DNAH14: variants seen among roughly 807,000 people sequenced by gnomAD.
DNAH14 encodes the protein dynein axonemal heavy chain 14.
Under a neutral mutation model 520.9 loss-of-function variants are expected in DNAH14, and 478 were observed. The observed-to-expected ratio is 0.92, with a 90% CI of 0.85 to 0.99. DNAH14 has a LOEUF of 0.99. Among genes scored for constraint, DNAH14 ranks in the 50% least tolerant of loss-of-function variants. The pLI is 0.00. For missense variants in DNAH14, 4,831 were observed against 5,234.5 expected (o/e 0.92, Z 2.38); for synonymous variants, 1,581 against 1,757.2 (o/e 0.90, Z 2.51).
intron 73 of DNAH14, among the ~76,000 whole-genome samples, chr1:225,358,249 C>T (rs1253693967): frequency 6.6e-6 from 1 of 152,132 alleles, no homozygotes; most frequent in African/African-American, 2.4e-5. Context: ...CAAGAGCTCA[C>T]TCAGAGTGTG....
chr1:225,335,863 GTACATACACATATACATATATGTACATA>G (rs1558437895), intron 66 of DNAH14, among the ~76,000 whole-genome samples: 2 of 65,064 alleles, frequency 3.1e-5, no homozygotes, highest in African/African-American at 1.5e-4. Flanking sequence ...GTACATATAT[GTACATACACATATACATATATGTACATA>G]TACATACATA....
At position 225,159,355 on chromosome 1, in the gene DNAH14, T is replaced by C; in HGVS notation, c.5315T>C (p.Ile1772Thr). Residue 1772 changes from isoleucine to threonine, a missense_variant, in exon 35 of 86, where the codon ATT (isoleucine) becomes ACT (threonine). Physicochemically the swap from Ile to Thr is moderately conservative, Grantham distance 89. Transcript: ENST00000682510. ...CTTTCTGAAGCAGATGAAACCTTGA[T>C]TGTTATCGAGGCTATAAGAGAAGCT... ...DSLSEADETL[I>T]VIEAIREASL... 1.3e-6 allele frequency: 2 copies of C among 1,551,538 alleles called. No homozygotes were observed. Among genetic ancestry groups the C allele is most frequent in the Non-Finnish European group, 1.7e-6 (2 of 1,146,870 alleles).
intron 37 of DNAH14, among the ~76,000 whole-genome samples, chr1:225,192,005 G>A (rs1037202298): frequency 1.1e-4 from 16 of 151,816 alleles, no homozygotes. Context: ...TGATTAGCTG[G>A]GCCTGCTCTG....
chr1:225,115,531 A>T (rs963524083), intron 23 of DNAH14, among the ~76,000 whole-genome samples: 2 of 152,170 alleles, frequency 1.3e-5, no homozygotes, highest in South Asian at 2.1e-4. Flanking sequence ...TACTGAACAC[A>T]AGTAACAGTG....
chr1:225,245,453 T>G (rs945297620), intron 43 of DNAH14, among the ~76,000 whole-genome samples: 2 of 152,066 alleles, frequency 1.3e-5, no homozygotes, highest in African/African-American at 4.8e-5. Context: ...GTGTTACAGT[T>G]TCCCACCATT....
Position 225,374,814 on chromosome 1 carries a change from T to C in DNAH14, c.12445T>C (p.Leu4149=). The change falls in exon 78 of 86, where the codon TTG becomes CTG. Residue 4149 remains leucine (L), a synonymous_variant. Coordinates refer to ENST00000682510, the MANE Select transcript of DNAH14 (RefSeq NM_001367479.1). ...GATTGATAATTGGGACAAGCGATGCTTGAAGACCCTACTCTACAAATTTTG... is the reference window on the plus strand; with the variant it reads ...GATTGATAATTGGGACAAGCGATGCCTGAAGACCCTACTCTACAAATTTTG... ...RVIDNWDKRC[L]KTLLYKFCNP... is the part of the protein sequence containing the mutation. The C allele has an allele frequency of 6.4e-7, 1 of 1,551,616 alleles. No individual in the cohort carries two copies. Among genetic ancestry groups the C allele is most frequent in the Non-Finnish European group, 8.7e-7 (1 of 1,146,952 alleles).
At chr1:225,284,964 A>G (rs766930712) in intron 54 of DNAH14, among the ~76,000 whole-genome samples, 1 of 152,228 alleles carries the variant, frequency 6.6e-6, no homozygotes, top group African/African-American at 2.4e-5. Flanking sequence ...AAAAAGGAAA[A>G]GAAGGAAGCT....
chr1:225,295,909 A>G (rs764056371), intron 55 of DNAH14, among the ~76,000 whole-genome samples: 7 of 152,180 alleles, frequency 4.6e-5, no homozygotes, highest in Non-Finnish European at 7.3e-5. Flanking sequence ...TTTGATTTAT[A>G]TATCTGGGTG....
chr1:225,255,599 G>A (rs1238863290), intron 44 of DNAH14, among the ~76,000 whole-genome samples: 3 of 152,138 alleles, frequency 2.0e-5, no homozygotes, highest in African/African-American at 4.8e-5. Flanking sequence ...GAATCCCTGA[G>A]TAGTCTCCCA....
In DNAH14 at chr1:225,041,111, C is replaced by G. The variant is rs189468749; in HGVS notation, c.1489-1724C>G. On this transcript the variant is annotated intron_variant, in intron 12 of 85. Coordinates refer to ENST00000682510, the MANE Select transcript of DNAH14 (RefSeq NM_001367479.1). The stretch of plus-strand genomic sequence containing the variant: ...GACACAGGCTGCATGAACGAGCAGA[C>G]TGCCACTAAGGTGGCCTAAATTTAT... 2.6e-5 allele frequency among the ~76,000 whole-genome samples: 4 copies of G among 152,346 alleles called. No homozygotes were observed. The East Asian group carries it at 5.8e-4, about 22-fold the overall frequency.
intron 17 of DNAH14, among the ~76,000 whole-genome samples, chr1:225,063,594 C>A (rs189869895): frequency 5.9e-5 from 9 of 152,002 alleles, no homozygotes; most frequent in Admixed American, 3.9e-4. Flanking sequence ...GCAAAGGAAG[C>A]ACAGGGATGA....
At chr1:225,374,145 C>A (rs1320329481) in intron 77 of DNAH14, among the ~76,000 whole-genome samples, 4 of 33,052 alleles carry the variant, frequency 1.2e-4, no homozygotes, top group South Asian at 2.0e-3. Context: ...TTGTGTCTTA[C>A]TATATATATA....
chr1:225,067,255 A>G (rs1343459463), intron 17 of DNAH14, among the ~76,000 whole-genome samples: 7 of 152,132 alleles, frequency 4.6e-5, no homozygotes, highest in Admixed American at 4.6e-4. Context: ...GCTAAGGACA[A>G]TGGCCTCCAG....
chr1:224,972,626 T>C (rs6677680), intron 7 of DNAH14, among the ~76,000 whole-genome samples: 22,833 of 151,854 alleles, frequency 0.15, 3,152 homozygotes, highest in African/African-American at 0.36. Context: ...CCACCACACC[T>C]GGCTAATTTT....
Position 225,270,717 on chromosome 1 carries a change from T to C in DNAH14, c.7540-18T>C, listed in dbSNP as rs1464340271. ...TACAGATACATTCAGTTACTCTTCC[T>C]TTTTATCCTTATCACAGAATATTCA... On this transcript the variant is annotated intron_variant, in intron 49 of 85. Transcript: ENST00000682510. 6.5e-7 allele frequency: 1 copy of C among 1,549,008 alleles called. No homozygotes were observed.
chr1:225,059,991 G>A (rs932140401), intron 17 of DNAH14, among the ~76,000 whole-genome samples: 21 of 151,594 alleles, frequency 1.4e-4, no homozygotes, highest in Non-Finnish European at 2.5e-4. Flanking sequence ...TGGTGAATCT[G>A]ACAATTATGT....
intron 75 of DNAH14, among the ~76,000 whole-genome samples, chr1:225,362,356 C>T (rs1030792984): frequency 8.5e-5 from 13 of 152,186 alleles, no homozygotes; most frequent in African/African-American, 3.1e-4. Flanking sequence ...AGGCAGATCA[C>T]CTGAAGTCAG....
intron 65 of DNAH14, 76 bp downstream of exon 65, chr1:225,331,653 T>A: frequency 6.5e-7 from 1 of 1,534,170 alleles, no homozygotes; most frequent in South Asian, 1.2e-5. Context: ...TTATTTTCAC[T>A]GCAGGCTGTA....
chr1:225,150,822 C>G (rs961770584), intron 31 of DNAH14, among the ~76,000 whole-genome samples: 1 of 152,048 alleles, frequency 6.6e-6, no homozygotes, highest in Admixed American at 6.5e-5. Flanking sequence ...CTCTGCCTCC[C>G]GGGTTCAAGC....
Sources: gnomAD v4.1 joint callset for allele counts (sites outside exome capture counted in the v4.1 genomes callset) on GRCh38, gnomAD v4.1.1 for gene constraint, MANE v1.5 for transcripts, NCBI Gene and HGNC (gene_info 2026-07-23, HGNC 2026-07-21) for gene names.